Variants in AFF1 observed in about 807,000 individuals in gnomAD.
The protein encoded by AFF1 is AF4/FMR2 family member 1.
AFF1 carries 48 observed loss-of-function variants against 121.7 expected under a neutral mutation model. That is an observed-to-expected ratio of 0.39 (90% CI 0.31 to 0.50). The LOEUF (loss-of-function observed/expected upper bound fraction) is 0.50. Ranked by LOEUF, AFF1 falls within the 20% of genes least tolerant of loss-of-function variation. The probability of loss-of-function intolerance (pLI) is 0.76; values close to 1 mark genes in which losing one functional copy is unlikely to be tolerated. For synonymous variants in AFF1, 613 were observed against 563.0 expected (o/e 1.09, Z -1.26); for missense variants, 1,523 against 1,511.7 (o/e 1.01, Z -0.12).
intron 4 of AFF1, among the ~76,000 whole-genome samples, chr4:87,067,861 A>G (rs1405788282): frequency 2.0e-5 from 3 of 152,238 alleles, no homozygotes; most frequent in African/African-American, 4.8e-5. Flanking sequence ...GCATGGTTCA[A>G]TGCTCAGTAG....
At chr4:87,032,342 A>G (rs896540132) in intron 2 of AFF1, among the ~76,000 whole-genome samples, 1 of 152,224 alleles carries the variant, frequency 6.6e-6, no homozygotes, top group Non-Finnish European at 1.5e-5. Context: ...AATGGAACAA[A>G]ATGAAACTGC....
At chr4:86,959,191 T>G (rs532538795) in intron 2 of AFF1, among the ~76,000 whole-genome samples, 1 of 152,354 alleles carries the variant, frequency 6.6e-6, no homozygotes, top group East Asian at 1.9e-4. Context: ...AAGTTAGCAC[T>G]AAAAGCTTGG....
intron 2 of AFF1, among the ~76,000 whole-genome samples, chr4:86,973,300 G>A (rs765227824): frequency 2.0e-5 from 3 of 152,136 alleles, no homozygotes; most frequent in South Asian, 2.1e-4. Flanking sequence ...TCCCATGCCC[G>A]TTAACACCTG....
chr4:87,006,395 C>A (rs914748148), intron 2 of AFF1, among the ~76,000 whole-genome samples: 37 of 152,176 alleles, frequency 2.4e-4, no homozygotes, highest in African/African-American at 6.8e-4. Flanking sequence ...ATAGGACTTA[C>A]TATATTGCAT....
intron 2 of AFF1, among the ~76,000 whole-genome samples, chr4:86,998,483 A>G (rs1578931340): frequency 6.6e-6 from 1 of 152,228 alleles, no homozygotes. Context: ...TTAAATACCC[A>G]GAAGAAAATA....
intron 7 of AFF1, among the ~76,000 whole-genome samples, chr4:87,093,025 G>A (rs902335842): frequency 7.2e-5 from 11 of 152,138 alleles, no homozygotes; most frequent in African/African-American, 2.4e-4. Flanking sequence ...GTTGCTCATG[G>A]TTTGTTTTAT....
chr4:86,973,461 T>A (rs960177880), intron 2 of AFF1, among the ~76,000 whole-genome samples: 1 of 152,146 alleles, frequency 6.6e-6, no homozygotes, highest in Non-Finnish European at 1.5e-5. Flanking sequence ...TTAATTTTTT[T>A]CCCCCTTAAA....
intron 2 of AFF1, among the ~76,000 whole-genome samples, chr4:87,024,225 G>A (rs1728305886): frequency 6.6e-6 from 1 of 152,156 alleles, no homozygotes; most frequent in Non-Finnish European, 1.5e-5. Flanking sequence ...ATATATCCAT[G>A]TGGCCAGTGA....
chr4:87,083,568 A>G (rs951411922), intron 4 of AFF1, among the ~76,000 whole-genome samples: 7 of 152,186 alleles, frequency 4.6e-5, no homozygotes, highest in African/African-American at 1.7e-4. Flanking sequence ...AGCTGTTGCT[A>G]TGAGGTAGCT....
chr4:87,122,682 T>G (rs1371675528), intron 12 of AFF1, among the ~76,000 whole-genome samples: 1 of 152,158 alleles, frequency 6.6e-6, no homozygotes, highest in Non-Finnish European at 1.5e-5. Flanking sequence ...GTTTTTATCT[T>G]ATCTAAGCAG....
chr4:87,084,577 TAAATAAATAAATAAATAAATAAATAAAA>T (rs939597301), intron 5 of AFF1, among the ~76,000 whole-genome samples: 6 of 147,376 alleles, frequency 4.1e-5, no homozygotes, highest in Non-Finnish European at 6.0e-5. Flanking sequence ...AATAAATAAA[TAAATAAATAAATAAATAAATAAATAAAA>T]AATAAAGAAC....
At position 87,136,945 on chromosome 4, in the gene AFF1, AT is replaced by A. The variant is rs1392764731; in HGVS notation, c.*1247del. The A allele has an allele frequency of 2.3e-5, 5 of 221,364 alleles. No individual in the cohort carries two copies. The highest frequency in any genetic ancestry group is 1.1e-4 in the African/African-American group (5 of 44,678). 13.7% of individuals were successfully genotyped at this position (221,364 alleles called of 1,614,324 possible). On this transcript the variant is annotated 3_prime_UTR_variant, in exon 21 of 21. Transcript: ENST00000395146. Reference sequence around the variant, plus strand: ...TTCACTCCAGAGTGTTCTCAGCTAGATTTGATTTGGTTGAGGAGGAACTGTG... The same window carrying A: ...TTCACTCCAGAGTGTTCTCAGCTAGATTGATTTGGTTGAGGAGGAACTGTG...
intron 4 of AFF1, among the ~76,000 whole-genome samples, chr4:87,066,063 C>A (rs10021879): frequency 0.026 from 3,936 of 152,274 alleles, 68 homozygotes; most frequent in Middle Eastern, 0.044. Flanking sequence ...ATGGAGATTT[C>A]CTTCATGGTA....
chr4:87,136,278 G>A lies in AFF1; in HGVS notation c.*577G>A, dbSNP rs1433374521. 5 of 232,086 alleles carry A rather than the reference G, an allele frequency of 2.2e-5. No individual in the cohort carries two copies. The highest frequency in any genetic ancestry group is 1.7e-4 in the Admixed American group (3 of 17,738). 14.4% of individuals were successfully genotyped at this position (232,086 alleles called of 1,614,324 possible). ...CCCCACTTTCTGCCAATGAACAGTG[G>A]CTTGATAATACCAAGTATTGTTGTA... On this transcript the variant is annotated 3_prime_UTR_variant, in exon 21 of 21. Transcript: ENST00000395146.
rs1226176198 is a variant in AFF1 at position 87,140,330 on chromosome 4, G to A, written c.*4629G>A. 1.5e-5 allele frequency: 3 copies of A among 198,954 alleles called. No homozygotes were observed. Among genetic ancestry groups the A allele is most frequent in the Non-Finnish European group, 3.1e-5 (3 of 96,048 alleles). 12.3% of individuals were successfully genotyped at this position (198,954 alleles called of 1,614,324 possible). ...CCCCCTCAGATATCAAGTATACACT[G>A]TTCATGTTGGGGTTGTGTGTGTGTA... On this transcript the variant is annotated 3_prime_UTR_variant, in exon 21 of 21. Coordinates refer to ENST00000395146, the MANE Select transcript of AFF1 (RefSeq NM_001166693.3).
chr4:87,046,243 A>T lies in AFF1; in HGVS notation c.116A>T (p.Glu39Val), dbSNP rs1280147003. The change falls in exon 3 of 21, where the codon GAG (glutamate) becomes GTG (valine). Residue 39 changes from glutamate (E) to valine (V), a missense_variant. Glu to Val is a moderately radical substitution (Grantham distance 121). Around this residue, in one of 5 missense-constraint regions of AFF1, gnomAD observed 369 missense variants for 367.2 expected, o/e 1.00. Transcript: ENST00000395146. The stretch of plus-strand genomic sequence containing the variant: ...AACCAGGAAGCCCACCAAGAGAAAG[A>T]GGCATTTCCTGAAAAGATTCCCCTT... Reference protein sequence around the residue: ...RRNQEAHQEKEAFPEKIPLFG... With the variant: ...RRNQEAHQEKVAFPEKIPLFG... The T allele has an allele frequency of 1.2e-6, 2 of 1,613,926 alleles. No individual in the cohort carries two copies. Among genetic ancestry groups the T allele is most frequent in the Admixed American group, 3.3e-5 (2 of 59,962 alleles).
At chr4:87,088,176 A>G (rs35946082) in intron 5 of AFF1, among the ~76,000 whole-genome samples, 5,675 of 152,314 alleles carry the variant, frequency 0.037, 174 homozygotes, top group Non-Finnish European at 0.056. Flanking sequence ...TTAGGATTCA[A>G]TCTGGGTCTT....
chr4:87,131,329 T>A, intron 17 of AFF1, 110 bp downstream of exon 17: 1 of 1,405,328 alleles, frequency 7.1e-7, no homozygotes. Context: ...AGGGGAGCCT[T>A]AAAAAAGTTA....
At chr4:87,132,165 A>G in intron 18 of AFF1, 106 bp from the exon 19 acceptor site, 1 of 1,358,290 alleles carries the variant, frequency 7.4e-7, no homozygotes, top group Non-Finnish European at 1.0e-6. Flanking sequence ...ACTAACTCAC[A>G]CAGGTGAGGC....
Sources: gnomAD v4.1 joint callset for allele counts (sites outside exome capture counted in the v4.1 genomes callset) on GRCh38, gnomAD v4.1.1 for gene constraint, gnomAD v4.1.1 regional missense constraint, MANE v1.5 for transcripts, NCBI Gene and HGNC (gene_info 2026-07-23, HGNC 2026-07-21) for gene names.